Variants in VSTM1 observed in about 807,000 individuals in gnomAD.
VSTM1 encodes V-set and transmembrane domain containing 1.
A neutral mutation model predicts 33.1 loss-of-function variants in VSTM1; 27 were observed. The ratio of observed to expected loss-of-function variants is 0.82; its 90% CI spans 0.60 to 1.12. VSTM1 has a LOEUF of 1.12. Among genes scored for constraint, VSTM1 ranks in the 50% most tolerant of loss-of-function variants. VSTM1 has a pLI of 0.00. For synonymous variants in VSTM1, 115 were observed against 110.3 expected, an observed-to-expected ratio of 1.04 and a Z score of -0.27; for missense variants, 304 against 288.9, an observed-to-expected ratio of 1.05 and a Z score of -0.38.
rs142980889 is a variant in VSTM1, at chr19:54,043,111, A to C, written c.395-742T>G. ...TCCAAGCCTGGATCTCCCACCTTGGAGCTGGAACTTCCTTGGAGCTGGACA... is the reference window on the plus strand; with the variant it reads ...TCCAAGCCTGGATCTCCCACCTTGGCGCTGGAACTTCCTTGGAGCTGGACA... On this transcript the variant is annotated intron_variant, in intron 4 of 8. Transcript: ENST00000338372. 7.1e-3 allele frequency among the ~76,000 whole-genome samples: 1,073 copies of C among 152,000 alleles called. 11 individuals carry two copies. Among genetic ancestry groups the C allele is most frequent in the Non-Finnish European group, 9.8e-3 (666 of 67,988 alleles).
chr19:54,051,326 TA>T, intron 4 of VSTM1, 83 bp downstream of exon 4: 1 of 1,141,932 alleles, frequency 8.8e-7, no homozygotes. Context: ...AACAAATAAA[TA>T]AAGTTCTCCT....
intron 4 of VSTM1, among the ~76,000 whole-genome samples, chr19:54,045,635 T>C (rs1450970127): frequency 6.6e-6 from 1 of 152,070 alleles, no homozygotes; most frequent in Admixed American, 6.6e-5. Flanking sequence ...TCATCTATCA[T>C]CTGTATGTAT....
rs769470124 is a variant in VSTM1, at chr19:54,042,227, C to A, written c.488-31G>T. On this transcript the variant is annotated intron_variant, in intron 5 of 8. Coordinates refer to ENST00000338372, the MANE Select transcript of VSTM1 (RefSeq NM_198481.4). ...AAAAATGCAGGAGGAATTTACCTAC[C>A]GAGAAAATCCTTCACTCCCCCTCTC... 8.7e-6 allele frequency: 14 copies of A among 1,613,926 alleles called. No individual in the cohort carries two copies. In the Admixed American group the frequency reaches 2.3e-4, roughly 27 times the overall value.
In VSTM1 at chr19:54,056,715, C is replaced by T. The variant is rs545313855; in HGVS notation, c.355+1591G>A. ...ACTTGGTCTGTCAGTCTTACCATAC[C>T]CCAATTTTCTATTAACTGACCATAT... On this transcript the variant is annotated intron_variant, in intron 3 of 8. Coordinates refer to ENST00000338372, the MANE Select transcript of VSTM1 (RefSeq NM_198481.4). Among the ~76,000 whole-genome samples, 34 of 140,532 alleles carry T rather than the reference C, an allele frequency of 2.4e-4. 3 individuals are homozygous for T. The highest frequency in any genetic ancestry group is 8.9e-4 in the African/African-American group (34 of 38,058). The allele number at this position is 140,532 out of a possible 152,430, so 92.2% of individuals were successfully genotyped here. A position where few individuals can be genotyped will look rare whatever the true frequency, so the allele number is the denominator to read the frequency against.
rs955430465 is a variant in VSTM1, at chr19:54,058,356, G to T, written c.305C>A (p.Ala102Asp). ...ACTGCTTTCTGACCACTCATGGGAG[G>T]CTGTTGTCTTGTAGGCACAAAAGTA... ...GRYFCAYKTT[A>D]SHEWSESSEH... Residue 102 changes from alanine (A) to aspartate (D), a missense_variant, in exon 3 of 9, where the codon GCC becomes GAC. Transcript: ENST00000338372. The T allele has an allele frequency of 6.2e-7, 1 of 1,614,098 alleles. No homozygotes were observed. The highest frequency in any genetic ancestry group is 8.5e-7 in the Non-Finnish European group (1 of 1,180,026).
intron 3 of VSTM1, among the ~76,000 whole-genome samples, chr19:54,056,365 G>A (rs1180331354): frequency 1.5e-5 from 2 of 136,976 alleles, no homozygotes; most frequent in Admixed American, 1.5e-4. Context: ...GAAAGCACAG[G>A]TGCACACCAC....
intron 4 of VSTM1, among the ~76,000 whole-genome samples, chr19:54,046,578 A>G (rs1188277552): frequency 6.6e-6 from 1 of 151,964 alleles, no homozygotes; most frequent in Non-Finnish European, 1.5e-5. Context: ...GATTCTGTCA[A>G]TGTTCCTCAA....
chr19:54,047,235 C>T (rs1334085298), intron 4 of VSTM1, among the ~76,000 whole-genome samples: 1 of 152,036 alleles, frequency 6.6e-6, no homozygotes, highest in Non-Finnish European at 1.5e-5. Context: ...ACGTCACTTT[C>T]ACACTAATGC....
At position 54,059,370 on chromosome 19, in the gene VSTM1, T is replaced by C. The variant is rs183008688; in HGVS notation, c.35-638A>G. 3.0e-3 allele frequency among the ~76,000 whole-genome samples: 452 copies of C among 152,118 alleles called. 2 individuals carry two copies. The highest frequency in any genetic ancestry group is 6.8e-3 in the Middle Eastern group (2 of 294). ...GCCACTGCCCCCGGCCCAGCAACCTTTTCTGATGTATTGAATTGCTTTCAT... is the reference window on the plus strand; with the variant it reads ...GCCACTGCCCCCGGCCCAGCAACCTCTTCTGATGTATTGAATTGCTTTCAT... On this transcript the variant is annotated intron_variant, in intron 1 of 8. Coordinates refer to ENST00000338372, the MANE Select transcript of VSTM1 (RefSeq NM_198481.4).
At chr19:54,052,397 CA>C (rs1363012454) in intron 3 of VSTM1, among the ~76,000 whole-genome samples, 6 of 131,374 alleles carry the variant, frequency 4.6e-5, no homozygotes, top group African/African-American at 5.7e-5. Flanking sequence ...GACTCCGTCT[CA>C]AAAAAAAAAT....
Position 54,058,461 on chromosome 19 carries a change from C to T in VSTM1, c.200G>A (p.Gly67Glu). 6.2e-7 allele frequency: 1 copy of T among 1,613,980 alleles called. No individual in the cohort carries two copies. The highest frequency in any genetic ancestry group is 8.5e-7 in the Non-Finnish European group (1 of 1,180,010). ...TFVLRKVNDSGYKQEQSSAEN... is the reference protein window; with the variant it reads ...TFVLRKVNDSEYKQEQSSAEN... ...TGCCGAGCTCTGTTCCTGCTTGTACCCAGAGTCGTTCACCTTGCGCAGCAC... is the reference window on the plus strand; with the variant it reads ...TGCCGAGCTCTGTTCCTGCTTGTACTCAGAGTCGTTCACCTTGCGCAGCAC... The change falls in exon 3 of 9, where the codon GGG becomes GAG. Residue 67 changes from glycine (G) to glutamate (E), a missense_variant. Coordinates refer to ENST00000338372, the MANE Select transcript of VSTM1 (RefSeq NM_198481.4).
At chr19:54,061,341 A>G (rs190809852) in intron 1 of VSTM1, among the ~76,000 whole-genome samples, 3 of 152,254 alleles carry the variant, frequency 2.0e-5, no homozygotes, top group East Asian at 3.9e-4. Context: ...TGAAAAGAGA[A>G]GTTCAAGTTG....
At chr19:54,059,247 G>C (rs942608886) in intron 1 of VSTM1, among the ~76,000 whole-genome samples, 22 of 151,766 alleles carry the variant, frequency 1.4e-4, no homozygotes, top group African/African-American at 5.3e-4. Flanking sequence ...TTTTAGTAGA[G>C]ACAGGGTCTC....
chr19:54,049,903 A>G (rs148879287), intron 4 of VSTM1, among the ~76,000 whole-genome samples: 1 of 151,990 alleles, frequency 6.6e-6, no homozygotes, highest in East Asian at 1.9e-4. Flanking sequence ...TTAAGCATCT[A>G]GATGCCAATT....
intron 3 of VSTM1, 149 bp downstream of exon 3, chr19:54,058,157 T>C (rs1468139342): frequency 1.2e-6 from 1 of 836,032 alleles, no homozygotes; most frequent in Admixed American, 2.9e-5. Context: ...GGAGAATTGC[T>C]TGAACCCAGG....
intron 1 of VSTM1, among the ~76,000 whole-genome samples, chr19:54,061,035 T>TTTTG (rs1568483961): frequency 6.9e-6 from 1 of 145,420 alleles, no homozygotes; most frequent in Admixed American, 7.0e-5. Context: ...TTTTTTTTTT[T>TTTTG]GACATGGAGT....
intron 4 of VSTM1, among the ~76,000 whole-genome samples, chr19:54,049,536 T>C (rs1226401637): frequency 1.3e-5 from 2 of 152,034 alleles, no homozygotes; most frequent in Admixed American, 6.6e-5. Flanking sequence ...AGAAAGAAAA[T>C]AAATGATACA....
chr19:54,042,230 G>A (rs979259898), intron 5 of VSTM1, 34 bp from the exon 6 acceptor site: 25 of 1,613,940 alleles, frequency 1.5e-5, no homozygotes, highest in Non-Finnish European at 2.0e-5. Context: ...TACCTACCGA[G>A]AAAATCCTTC....
intron 3 of VSTM1, among the ~76,000 whole-genome samples, chr19:54,053,237 C>T (rs561025495): frequency 7.1e-6 from 1 of 141,312 alleles, no homozygotes; most frequent in African/African-American, 2.6e-5. Flanking sequence ...GGGCTGTTCT[C>T]CAGATATCGG....
Sources: gnomAD v4.1 joint callset for allele counts (sites outside exome capture counted in the v4.1 genomes callset) on GRCh38, gnomAD v4.1.1 for gene constraint, MANE v1.5 for transcripts, NCBI Gene and HGNC (gene_info 2026-07-23, HGNC 2026-07-21) for gene names.